Variants in TSHR observed in about 807,000 individuals in gnomAD.
The protein encoded by TSHR is thyroid stimulating hormone receptor.
A neutral mutation model predicts 64.1 loss-of-function variants in TSHR; 51 were observed. That is an observed-to-expected ratio of 0.80 (90% CI 0.64 to 1.01). The LOEUF (loss-of-function observed/expected upper bound fraction) is 1.01, where lower values mean the gene tolerates loss of function less well. Ranked by LOEUF, TSHR falls within the 50% of genes least tolerant of loss-of-function variation. TSHR has a pLI of 0.00. For missense variants in TSHR, 877 were observed against 942.8 expected (o/e 0.93, Z 0.91); for synonymous variants, 361 against 361.9 (o/e 1.00, Z 0.03).
intron 8 of TSHR, among the ~76,000 whole-genome samples, chr14:81,138,436 G>A (rs545735268): frequency 1.3e-4 from 20 of 152,098 alleles, no homozygotes; most frequent in Non-Finnish European, 2.6e-4. Context: ...TGATCCGCCC[G>A]CCTCAGCCTA....
In TSHR at chr14:81,127,878, T is replaced by C. The variant is rs117403516; in HGVS notation, c.693-11801T>C. 1.5e-3 allele frequency among the ~76,000 whole-genome samples: 236 copies of C among 152,288 alleles called. 8 individuals carry two copies. In the East Asian group the frequency reaches 0.041, roughly 26 times the overall value. On this transcript the variant is annotated intron_variant, in intron 8 of 9. Coordinates refer to ENST00000298171, the MANE Select transcript of TSHR (RefSeq NM_000369.5). ...TGAGTCCATTAAACCTTTTTCTTTA[T>C]AAATTACCCAGTCTCTGGTATGTCT...
In TSHR at chr14:81,123,450, A is replaced by G. The variant is rs76213566; in HGVS notation, c.692+14998A>G. Among the ~76,000 whole-genome samples, 21 of 152,338 alleles carry G rather than the reference A, an allele frequency of 1.4e-4. No homozygotes were observed. The East Asian group carries it at 2.7e-3, about 20-fold the overall frequency. On this transcript the variant is annotated intron_variant, in intron 8 of 9. Coordinates refer to ENST00000298171, the MANE Select transcript of TSHR (RefSeq NM_000369.5). ...AAATAAGTGGTGTCTTATACTTTTT[A>G]TAACCTTCCTGTATCAAAACAGAAG...
At chr14:80,974,416 G>C (rs1218353974) in intron 1 of TSHR, among the ~76,000 whole-genome samples, 1 of 152,180 alleles carries the variant, frequency 6.6e-6, no homozygotes, top group Non-Finnish European at 1.5e-5. Flanking sequence ...ACATAAATCT[G>C]TAAGAATGAT....
At chr14:81,128,280 A>G (rs1031037518) in intron 8 of TSHR, among the ~76,000 whole-genome samples, 1 of 152,194 alleles carries the variant, frequency 6.6e-6, no homozygotes, top group Non-Finnish European at 1.5e-5. Context: ...TTCAATAGAA[A>G]GTATTCTTAT....
intron 1 of TSHR, chr14:80,981,975 C>A (rs865982465): frequency 9.8e-5 from 31 of 317,372 alleles, no homozygotes; most frequent in South Asian, 4.8e-4. Flanking sequence ...GGCCAAGTAA[C>A]TGGGCTTCAA....
chr14:81,070,888 G>T (rs1887021013), intron 3 of TSHR, among the ~76,000 whole-genome samples: 1 of 152,102 alleles, frequency 6.6e-6, no homozygotes, highest in African/African-American at 2.4e-5. Flanking sequence ...AACTACTAAT[G>T]GGAATTACTA....
intron 4 of TSHR, 23 bp downstream of exon 4, chr14:81,088,051 T>A (rs201767431): frequency 1.6e-5 from 26 of 1,575,876 alleles, no homozygotes; most frequent in Middle Eastern, 1.7e-4. Context: ...TCCTCTCCCA[T>A]CCTACTTTTC....
At chr14:81,071,767 A>C (rs1887089436) in intron 3 of TSHR, among the ~76,000 whole-genome samples, 1 of 152,074 alleles carries the variant, frequency 6.6e-6, no homozygotes, top group Admixed American at 6.6e-5. Context: ...TCTCTAAAAT[A>C]AATAAATAAA....
At chr14:80,977,142 G>A (rs892177654) in intron 1 of TSHR, among the ~76,000 whole-genome samples, 10 of 152,194 alleles carry the variant, frequency 6.6e-5, no homozygotes, top group South Asian at 2.1e-4. Context: ...TCTCATGGTC[G>A]GATGCTGTGT....
chr14:81,035,879 A>AT (rs1313836086), intron 1 of TSHR, among the ~76,000 whole-genome samples: 2 of 141,046 alleles, frequency 1.4e-5, no homozygotes, highest in African/African-American at 2.6e-5. Flanking sequence ...AAAAAATAAA[A>AT]ATAAATAAAA....
intron 1 of TSHR, among the ~76,000 whole-genome samples, chr14:81,043,883 A>G (rs142123530): frequency 1.5e-3 from 232 of 152,352 alleles, no homozygotes; most frequent in African/African-American, 5.5e-3. Flanking sequence ...GGCTAGCCAT[A>G]TGCAGAAAAC....
intron 1 of TSHR, among the ~76,000 whole-genome samples, chr14:81,002,524 A>G (rs1027016366): frequency 6.6e-6 from 1 of 152,342 alleles, no homozygotes; most frequent in Admixed American, 6.5e-5. Flanking sequence ...AGTAAGCACT[A>G]TAGGTTTGCT....
chr14:81,065,162 C>A (rs1283311192), intron 2 of TSHR, among the ~76,000 whole-genome samples: 1 of 152,086 alleles, frequency 6.6e-6, no homozygotes, highest in African/African-American at 2.4e-5. Flanking sequence ...GGTACCACCC[C>A]ACAACAGGAG....
chr14:81,128,359 A>G (rs1360954503), intron 8 of TSHR, among the ~76,000 whole-genome samples: 2 of 152,216 alleles, frequency 1.3e-5, no homozygotes, highest in African/African-American at 2.4e-5. Context: ...CCTGGCCATA[A>G]GGGAAATACT....
At chr14:81,070,068 C>CTATA (rs1479006917) in intron 3 of TSHR, among the ~76,000 whole-genome samples, 1 of 151,914 alleles carries the variant, frequency 6.6e-6, no homozygotes, top group Admixed American at 6.6e-5. Context: ...GGTCAGAAGA[C>CTATA]TATAATCAGT....
chr14:80,995,410 A>G (rs577958171), intron 1 of TSHR: 61 of 152,320 alleles, frequency 4.0e-4, no homozygotes, highest in African/African-American at 1.4e-3. Flanking sequence ...CAGAATAGCA[A>G]AGACATGGAG....
chr14:81,076,649 C>A (rs1209195688), intron 3 of TSHR, among the ~76,000 whole-genome samples: 1 of 152,168 alleles, frequency 6.6e-6, no homozygotes, highest in African/African-American at 2.4e-5. Context: ...CCCACTTCTA[C>A]TCCTTCACCA....
Position 81,067,927 on chromosome 14 carries a change from C to CTATATATATATATATATATA in TSHR, c.243-319_243-300dup, listed in dbSNP as rs10528934. ...TAGTGGAACATTCCACAGGGTGACA[C>CTATATATATATATATATATA]TATATATATATATATATATATATAT... On this transcript the variant is annotated intron_variant, in intron 2 of 9. Coordinates refer to ENST00000298171, the MANE Select transcript of TSHR (RefSeq NM_000369.5). 5.6e-3 allele frequency among the ~76,000 whole-genome samples: 537 copies of CTATATATATATATATATATA among 95,648 alleles called. 25 individuals are homozygous for CTATATATATATATATATATA. The highest frequency in any genetic ancestry group is 0.02 in the African/African-American group (343 of 16,792). The allele number at this position is 95,648 out of a possible 152,430, so 62.7% of individuals were successfully genotyped here. A position where few individuals can be genotyped will look rare whatever the true frequency, so the allele number is the denominator to read the frequency against.
chr14:81,087,716 G>A (rs77076388), intron 3 of TSHR: 8,371 of 558,520 alleles, frequency 0.015, 331 homozygotes, highest in African/African-American at 0.1. Context: ...ATAAATTAAA[G>A]TGGACAGAAA....
Sources: allele counts gnomAD v4.1 joint callset (sites outside exome capture counted in the v4.1 genomes callset), GRCh38; gene constraint gnomAD v4.1.1; transcripts MANE v1.5; gene names NCBI Gene and HGNC (gene_info 2026-07-23, HGNC 2026-07-21).